The following MGRN1 variants were observed in gnomAD, a reference collection of about 807,000 sequenced individuals.
MGRN1 encodes E3 ubiquitin-protein ligase MGRN1.
Under a neutral mutation model 69.2 loss-of-function variants are expected in MGRN1, and 29 were observed. The ratio of observed to expected loss-of-function variants is 0.42; its 90% CI spans 0.31 to 0.57. The LOEUF (loss-of-function observed/expected upper bound fraction) is 0.57, where lower values mean the gene tolerates loss of function less well. MGRN1 is among the 20% of genes least tolerant of loss of function. The pLI, the probability that MGRN1 is intolerant of heterozygous loss-of-function variation, is 0.15. For missense variants in MGRN1, 998 were observed against 796.2 expected (o/e 1.25, Z -3.05); for synonymous variants, 470 against 344.2 (o/e 1.37, Z -4.04).
intron 11 of MGRN1, among the ~76,000 whole-genome samples, chr16:4,677,879 G>T (rs1596312674): frequency 7.0e-6 from 1 of 142,770 alleles, no homozygotes. Context: ...GTCTCGGTCT[G>T]TCACCGAGGC....
Position 4,661,289 on chromosome 16 carries a change from C to T in MGRN1, c.562-3420C>T, listed in dbSNP as rs565127271. Reference sequence around the variant, plus strand: ...CCACCACGTCAGGCCCACCAGTCTGCAGCTTTCTGATGTGTGTGGACGTTT... The same window carrying T: ...CCACCACGTCAGGCCCACCAGTCTGTAGCTTTCTGATGTGTGTGGACGTTT... On this transcript the variant is annotated intron_variant, in intron 5 of 16. Transcript: ENST00000262370. 7.9e-5 allele frequency among the ~76,000 whole-genome samples: 12 copies of T among 152,302 alleles called. No individual in the cohort carries two copies. The East Asian group carries it at 2.3e-3, about 29-fold the overall frequency.
intron 16 of MGRN1, chr16:4,686,614 C>G (rs2141989844): frequency 8.4e-7 from 1 of 1,196,742 alleles, no homozygotes; most frequent in Non-Finnish European, 1.0e-6. Context: ...GGGAGACAGA[C>G]ACAGCCCAGG....
At chr16:4,674,704 A>C (rs913811303) in intron 10 of MGRN1, among the ~76,000 whole-genome samples, 1 of 120,844 alleles carries the variant, frequency 8.3e-6, no homozygotes, top group African/African-American at 3.2e-5. Context: ...GCAGTGGCGC[A>C]ATCTCGGCTC....
chr16:4,646,009 C>G (rs186522359), intron 1 of MGRN1, among the ~76,000 whole-genome samples: 1 of 152,158 alleles, frequency 6.6e-6, no homozygotes, highest in African/African-American at 2.4e-5. Flanking sequence ...CAGAAAGACT[C>G]GACGTCTCTT....
chr16:4,668,942 A>C (rs1167196807), intron 8 of MGRN1, among the ~76,000 whole-genome samples: 1 of 152,184 alleles, frequency 6.6e-6, no homozygotes, highest in Admixed American at 6.5e-5. Context: ...AATCACTTGC[A>C]CACATATACA....
chr16:4,636,988 G>A (rs535623527), intron 1 of MGRN1, among the ~76,000 whole-genome samples: 11 of 151,928 alleles, frequency 7.2e-5, no homozygotes, highest in African/African-American at 2.2e-4. Context: ...GCACGGTGGC[G>A]TGCGCCTGTA....
At chr16:4,684,332 C>T (rs58865047) in intron 16 of MGRN1, among the ~76,000 whole-genome samples, 177 of 152,358 alleles carry the variant, frequency 1.2e-3, no homozygotes, top group African/African-American at 4.1e-3. Context: ...CTGGTCCTAT[C>T]GTGGGCCCAC....
intron 2 of MGRN1, 79 bp downstream of exon 2, chr16:4,650,562 A>T: frequency 1.7e-6 from 2 of 1,147,730 alleles, no homozygotes; most frequent in Non-Finnish European, 2.5e-6. Flanking sequence ...CCCAGCCATG[A>T]GGGCAAGCAG....
chr16:4,655,099 T>A (rs139008258), intron 4 of MGRN1, among the ~76,000 whole-genome samples: 3,198 of 152,260 alleles, frequency 0.021, 58 homozygotes, highest in South Asian at 0.041. Flanking sequence ...GTTGAGTGTT[T>A]GACACCCACG....
In MGRN1 at chr16:4,682,850, C is replaced by T. The variant is rs1477749917; in HGVS notation, c.1386C>T (p.Ile462=). The T allele has an allele frequency of 6.2e-7, 1 of 1,604,668 alleles. No homozygotes were observed. Among genetic ancestry groups the T allele is most frequent in the Non-Finnish European group, 8.5e-7 (1 of 1,173,140 alleles). ...DSTLRSPSSP[I]HEEDEEKLSE... ...CCCTACGGTCCCCGTCTTCCCCCATCCACGAAGAGGATGAGGAGAAGCTCT... is the reference window on the plus strand; with the variant it reads ...CCCTACGGTCCCCGTCTTCCCCCATTCACGAAGAGGATGAGGAGAAGCTCT... Residue 462 remains isoleucine (I), a synonymous_variant, in exon 14 of 17, where the codon ATC becomes ATT. Transcript: ENST00000262370.
At chr16:4,677,695 GC>G in intron 11 of MGRN1, 123 bp downstream of exon 11, 1 of 916,760 alleles carries the variant, frequency 1.1e-6, no homozygotes, top group Non-Finnish European at 1.6e-6. Context: ...GGCAGGCATG[GC>G]CCCCATGGAT....
Position 4,651,972 on chromosome 16 carries a change from G to A in MGRN1, c.217G>A (p.Val73Ile), listed in dbSNP as rs200497316. 10 of 1,613,812 alleles carry A rather than the reference G, an allele frequency of 6.2e-6. No individual in the cohort carries two copies. The highest frequency in any genetic ancestry group is 2.2e-5 in the East Asian group (1 of 44,886). ...GTGGTTTTTCTCCTAGTTTCCCTAC[G>A]TCACTCCTGCCCCCCACGAGCCCGT... ...LGSRPVQFPYVTPAPHEPVKT... is the reference protein window; with the variant it reads ...LGSRPVQFPYITPAPHEPVKT... Residue 73 changes from valine (V) to isoleucine (I), a missense_variant, in exon 3 of 17, where the codon GTC becomes ATC. Physicochemically the swap from Val to Ile is conservative, Grantham distance 29. Coordinates refer to ENST00000262370, the MANE Select transcript of MGRN1 (RefSeq NM_015246.4).
chr16:4,664,336 G>A (rs866739414), intron 5 of MGRN1: 4 of 310,410 alleles, frequency 1.3e-5, no homozygotes, highest in South Asian at 1.2e-4. Flanking sequence ...GGAAGCACAT[G>A]GTGGCTGCCG....
At chr16:4,637,624 G>A (rs924300802) in intron 1 of MGRN1, among the ~76,000 whole-genome samples, 2 of 152,204 alleles carry the variant, frequency 1.3e-5, no homozygotes, top group East Asian at 1.9e-4. Flanking sequence ...CAGGGGAAAC[G>A]GACAAGTGGA....
chr16:4,688,194 C>T (rs113174084), intron 16 of MGRN1: 21,420 of 985,572 alleles, frequency 0.022, 260 homozygotes, highest in Admixed American at 0.028. Context: ...ATGCTGGCCC[C>T]GTCCCAGGCT....
intron 1 of MGRN1, among the ~76,000 whole-genome samples, chr16:4,646,042 T>C (rs2078267163): frequency 6.6e-6 from 1 of 152,178 alleles, no homozygotes; most frequent in African/African-American, 2.4e-5. Context: ...CTTCAGAGTG[T>C]AGTGGCTTAG....
At chr16:4,652,112 T>C (rs1203966100) in intron 3 of MGRN1, 61 bp downstream of exon 3, 1 of 1,536,426 alleles carries the variant, frequency 6.5e-7, no homozygotes, top group African/African-American at 1.4e-5. Flanking sequence ...GTGGTGGAGG[T>C]TCTGGCTTGA....
intron 9 of MGRN1, among the ~76,000 whole-genome samples, chr16:4,672,049 G>T (rs1596306994): frequency 6.6e-6 from 1 of 152,158 alleles, no homozygotes; most frequent in Admixed American, 6.5e-5. Context: ...GGGACCACAG[G>T]CACGCGCCAC....
chr16:4,665,264 C>A (rs953121908), intron 7 of MGRN1, 113 bp downstream of exon 7: 2 of 1,159,878 alleles, frequency 1.7e-6, no homozygotes, highest in South Asian at 1.4e-5. Context: ...GGCTGAGTGT[C>A]AAGGGCCCCG....
Sources: gnomAD v4.1 joint callset for allele counts (sites outside exome capture counted in the v4.1 genomes callset) on GRCh38, gnomAD v4.1.1 for gene constraint, MANE v1.5 for transcripts, NCBI Gene and HGNC (gene_info 2026-07-23, HGNC 2026-07-21) for gene names.